SH3GL2: variants seen among roughly 807,000 people sequenced by gnomAD.
SH3GL2 encodes the protein SH3 domain containing GRB2 like 2, endophilin A1.
Under a neutral mutation model 46.0 loss-of-function variants are expected in SH3GL2, and 24 were observed. The ratio of observed to expected loss-of-function variants is 0.52; its 90% CI spans 0.38 to 0.73. SH3GL2 has a LOEUF of 0.73. Ranked by LOEUF, SH3GL2 falls within the 30% of genes least tolerant of loss-of-function variation. The pLI is 0.00. For missense variants in SH3GL2, 413 were observed against 424.2 expected (o/e 0.97, Z 0.23); for synonymous variants, 196 against 147.1 (o/e 1.33, Z -2.40).
intron 3 of SH3GL2, among the ~76,000 whole-genome samples, chr9:17,763,012 T>C (rs1823222610): frequency 6.6e-6 from 1 of 152,170 alleles, no homozygotes; most frequent in Non-Finnish European, 1.5e-5. Flanking sequence ...CTCATGGTTG[T>C]AGGGCTAAGA....
At chr9:17,749,009 A>G (rs759989889) in intron 2 of SH3GL2, among the ~76,000 whole-genome samples, 2 of 152,178 alleles carry the variant, frequency 1.3e-5, no homozygotes, top group South Asian at 2.1e-4. Context: ...CATTCTGGCT[A>G]AGTTCTTGAG....
chr9:17,594,873 A>G (rs1402136741), intron 1 of SH3GL2, among the ~76,000 whole-genome samples: 1 of 152,174 alleles, frequency 6.6e-6, no homozygotes. Flanking sequence ...CCTTATGTAT[A>G]TTTAAAAGGG....
intron 3 of SH3GL2, among the ~76,000 whole-genome samples, chr9:17,766,709 T>A (rs2131158609): frequency 6.6e-6 from 1 of 152,336 alleles, no homozygotes; most frequent in Admixed American, 6.5e-5. Flanking sequence ...CGGTCTGTAT[T>A]TTATACTTAC....
chr9:17,665,115 A>G lies in SH3GL2; in HGVS notation c.46-81951A>G, dbSNP rs912585481. Among the ~76,000 whole-genome samples the G allele has an allele frequency of 1.1e-4, 16 of 152,054 alleles. 1 individual carries two copies. The South Asian group carries it at 1.4e-3, about 14-fold the overall frequency. ...GTTCTGTCTCCCTCGTACACAAACTATTTTTTCTCTGAACCGTTTAAGAGT... is the reference window on the plus strand; with the variant it reads ...GTTCTGTCTCCCTCGTACACAAACTGTTTTTTCTCTGAACCGTTTAAGAGT... On this transcript the variant is annotated intron_variant, in intron 1 of 8. Coordinates refer to ENST00000380607, the MANE Select transcript of SH3GL2 (RefSeq NM_003026.5).
intron 1 of SH3GL2, among the ~76,000 whole-genome samples, chr9:17,684,273 A>G (rs1820846954): frequency 6.6e-6 from 1 of 152,128 alleles, no homozygotes; most frequent in Non-Finnish European, 1.5e-5. Flanking sequence ...AAAATGCTAG[A>G]AATGAAAAAC....
chr9:17,709,440 CAG>C (rs1398574798), intron 1 of SH3GL2, among the ~76,000 whole-genome samples: 2 of 151,882 alleles, frequency 1.3e-5, no homozygotes, highest in African/African-American at 4.8e-5. Flanking sequence ...TACCCCTCAG[CAG>C]AGAGAGATGC....
intron 1 of SH3GL2, among the ~76,000 whole-genome samples, chr9:17,724,361 C>G (rs1364029201): frequency 2.0e-5 from 3 of 152,102 alleles, no homozygotes; most frequent in Non-Finnish European, 4.4e-5. Context: ...TTTATATCCT[C>G]TATTTGATAA....
chr9:17,627,435 C>T (rs184966070), intron 1 of SH3GL2, among the ~76,000 whole-genome samples: 1 of 152,228 alleles, frequency 6.6e-6, no homozygotes, highest in East Asian at 1.9e-4. Context: ...GAAGTAAAGG[C>T]CTGAAACTGT....
chr9:17,757,512 C>G (rs186956204), intron 2 of SH3GL2, among the ~76,000 whole-genome samples: 1 of 152,190 alleles, frequency 6.6e-6, no homozygotes, highest in Non-Finnish European at 1.5e-5. Flanking sequence ...AACAGTTTCA[C>G]TTTCTTTAAA....
At chr9:17,724,590 T>C (rs1015747088) in intron 1 of SH3GL2, among the ~76,000 whole-genome samples, 6 of 152,232 alleles carry the variant, frequency 3.9e-5, no homozygotes, top group South Asian at 2.1e-4. Flanking sequence ...TGCATGCACA[T>C]GCATGTGTGT....
chr9:17,598,588 C>G (rs1783461289), intron 1 of SH3GL2, among the ~76,000 whole-genome samples: 1 of 152,216 alleles, frequency 6.6e-6, no homozygotes, highest in Non-Finnish European at 1.5e-5. Context: ...AGCTAGTCCA[C>G]TCCCACTCAT....
intron 1 of SH3GL2, among the ~76,000 whole-genome samples, chr9:17,673,427 T>G (rs1483327514): frequency 1.3e-5 from 2 of 151,808 alleles, no homozygotes; most frequent in Non-Finnish European, 2.9e-5. Flanking sequence ...ATTATAGGCA[T>G]GAGCCACCAC....
intron 3 of SH3GL2, among the ~76,000 whole-genome samples, chr9:17,775,529 G>T (rs1192104041): frequency 1.3e-5 from 2 of 152,114 alleles, no homozygotes; most frequent in Non-Finnish European, 2.9e-5. Flanking sequence ...TCTGGTTATG[G>T]TCTTCAGTTT....
chr9:17,688,409 T>C (rs1412774197), intron 1 of SH3GL2, among the ~76,000 whole-genome samples: 2 of 152,174 alleles, frequency 1.3e-5, no homozygotes, highest in South Asian at 2.1e-4. Context: ...AACGTACTGT[T>C]TAACAGGTGA....
chr9:17,701,670 A>G (rs1821345237), intron 1 of SH3GL2, among the ~76,000 whole-genome samples: 1 of 152,188 alleles, frequency 6.6e-6, no homozygotes, highest in Non-Finnish European at 1.5e-5. Context: ...AACAGCCACC[A>G]ATTAGAAGAT....
chr9:17,763,201 T>G (rs922566156), intron 3 of SH3GL2, among the ~76,000 whole-genome samples: 1 of 152,154 alleles, frequency 6.6e-6, no homozygotes, highest in Non-Finnish European at 1.5e-5. Flanking sequence ...TAACACAAAT[T>G]ATCAGTGGGA....
chr9:17,683,306 A>G lies in SH3GL2; in HGVS notation c.46-63760A>G, dbSNP rs143884869. Reference sequence around the variant, plus strand: ...TGGGGGCAAGGCAAGTGATGGAAGAATGGCATTCTTATGGAGGCAAGCAGC... The same window carrying G: ...TGGGGGCAAGGCAAGTGATGGAAGAGTGGCATTCTTATGGAGGCAAGCAGC... On this transcript the variant is annotated intron_variant, in intron 1 of 8. Transcript: ENST00000380607. Among the ~76,000 whole-genome samples the G allele has an allele frequency of 7.1e-3, 1,085 of 152,194 alleles. 5 individuals are homozygous for G. Among genetic ancestry groups the G allele is most frequent in the Middle Eastern group, 0.048 (14 of 294 alleles).
At chr9:17,749,938 TTGAC>T (rs1822798413) in intron 2 of SH3GL2, among the ~76,000 whole-genome samples, 3 of 152,322 alleles carry the variant, frequency 2.0e-5, no homozygotes, top group Non-Finnish European at 2.9e-5. Context: ...AAACATCTGA[TTGAC>T]TGAAGAACAC....
At chr9:17,754,254 A>G (rs1206707313) in intron 2 of SH3GL2, among the ~76,000 whole-genome samples, 1 of 152,216 alleles carries the variant, frequency 6.6e-6, no homozygotes, top group Admixed American at 6.5e-5. Context: ...CATTGAATTC[A>G]TAAACTGCTT....
Sources: allele counts gnomAD v4.1 joint callset (sites outside exome capture counted in the v4.1 genomes callset), GRCh38; gene constraint gnomAD v4.1.1; transcripts MANE v1.5; gene names NCBI Gene and HGNC (gene_info 2026-07-23, HGNC 2026-07-21).